The following TTC7A variants were observed in gnomAD, a reference collection of about 807,000 sequenced individuals.
The protein encoded by TTC7A is tetratricopeptide repeat protein 7A.
TTC7A carries 110 observed loss-of-function variants against 103.7 expected under a neutral mutation model. That is an observed-to-expected ratio of 1.06 (90% CI 0.91 to 1.24). The LOEUF is 1.24. Among genes scored for constraint, TTC7A ranks in the 50% most tolerant of loss-of-function variants. TTC7A has a pLI of 0.00. For missense variants in TTC7A, 1,340 were observed against 1,116.3 expected (o/e 1.20, Z -2.86); for synonymous variants, 521 against 467.9 (o/e 1.11, Z -1.47).
At chr2:46,923,487 A>G (rs7601491) in intron 2 of TTC7A, among the ~76,000 whole-genome samples, 43,118 of 152,140 alleles carry the variant, frequency 0.28, 8,505 homozygotes, top group African/African-American at 0.56. Context: ...ATATTTCACA[A>G]TATCACAGAA....
At position 46,972,356 on chromosome 2, in the gene TTC7A, A is replaced by G. The variant is rs116341608; in HGVS notation, c.518-2617A>G. Among the ~76,000 whole-genome samples the G allele has an allele frequency of 8.7e-3, 1,321 of 152,284 alleles. 16 individuals are homozygous for G. The highest frequency in any genetic ancestry group is 0.03 in the African/African-American group (1,231 of 41,552). Reference sequence around the variant, plus strand: ...GCCTTGAAGCTTTTCTTAAATAAAAATTTTAAATCGCAGTAAAAAAGCCCC... The same window carrying G: ...GCCTTGAAGCTTTTCTTAAATAAAAGTTTTAAATCGCAGTAAAAAAGCCCC... On this transcript the variant is annotated intron_variant, in intron 3 of 19. Coordinates refer to ENST00000319190, the MANE Select transcript of TTC7A (RefSeq NM_020458.4).
At chr2:46,949,127 G>T (rs927373705) in intron 1 of TTC7A, among the ~76,000 whole-genome samples, 2 of 152,178 alleles carry the variant, frequency 1.3e-5, no homozygotes, top group Non-Finnish European at 2.9e-5. Context: ...CTGAACACCC[G>T]GCTCCCATGC....
chr2:46,962,079 T>C (rs1392179843), intron 3 of TTC7A, among the ~76,000 whole-genome samples: 1 of 152,150 alleles, frequency 6.6e-6, no homozygotes, highest in Non-Finnish European at 1.5e-5. Flanking sequence ...AGGTGGTCAT[T>C]TCTTTTGTAC....
chr2:47,022,327 C>T (rs1011158369), intron 12 of TTC7A, among the ~76,000 whole-genome samples: 1 of 152,216 alleles, frequency 6.6e-6, no homozygotes, highest in African/African-American at 2.4e-5. Flanking sequence ...CAGCCCTCCA[C>T]CTCACAATGC....
intron 2 of TTC7A, chr2:46,951,721 G>A (rs745900982): frequency 4.4e-6 from 2 of 453,174 alleles, no homozygotes; most frequent in South Asian, 3.1e-5. Context: ...GATTTTTAAA[G>A]AGCTATTCCA....
At chr2:46,999,218 TCTAC>T (rs1676537185) in intron 8 of TTC7A, among the ~76,000 whole-genome samples, 1 of 151,860 alleles carries the variant, frequency 6.6e-6, no homozygotes, top group South Asian at 2.1e-4. Flanking sequence ...CATTCATCCG[TCTAC>T]CCACCCACCC....
chr2:46,940,780 A>G (rs1362880458), upstream of TTC7A, among the ~76,000 whole-genome samples: 7 of 152,198 alleles, frequency 4.6e-5, no homozygotes, highest in Non-Finnish European at 1.0e-4. This position sits in a 1 kb window ranked among gnomAD's most constrained non-coding sequence, Gnocchi z 4.7. Flanking sequence ...CCTGGCCCGC[A>G]TCGCAACAGG....
At chr2:46,963,173 A>G (rs965239522) in intron 3 of TTC7A, among the ~76,000 whole-genome samples, 2 of 152,182 alleles carry the variant, frequency 1.3e-5, no homozygotes, top group African/African-American at 2.4e-5. Context: ...TCCTAATAGA[A>G]TCTGGTCCCC....
In TTC7A at chr2:47,075,935, C is replaced by T. The variant is rs373518031; in HGVS notation, c.*2012C>T. 6.6e-6 allele frequency: 1 copy of T among 152,402 alleles called. No homozygotes were observed. Among genetic ancestry groups the T allele is most frequent in the Non-Finnish European group, 1.5e-5 (1 of 68,244 alleles). 9.4% of individuals were successfully genotyped at this position (152,402 alleles called of 1,614,324 possible). A position where few individuals can be genotyped will look rare whatever the true frequency, so the allele number is the denominator to read the frequency against. ...ACTCACGTCTGAACAGAGATCCCCT[C>T]GGGCATTGCTGATGGGCCACCTTCA... is the stretch of plus-strand genomic sequence containing the variant. On this transcript the variant is annotated 3_prime_UTR_variant, in exon 20 of 20. Coordinates refer to ENST00000319190, the MANE Select transcript of TTC7A (RefSeq NM_020458.4).
chr2:46,985,725 A>G (rs72806558), intron 5 of TTC7A, among the ~76,000 whole-genome samples: 9,593 of 152,314 alleles, frequency 0.063, 361 homozygotes, highest in Non-Finnish European at 0.08. Flanking sequence ...AAGCCTGCCC[A>G]TGGCATGTCT....
At chr2:47,062,954 C>A (rs759373800) in intron 19 of TTC7A, among the ~76,000 whole-genome samples, 2 of 152,256 alleles carry the variant, frequency 1.3e-5, no homozygotes, top group Non-Finnish European at 2.9e-5. Flanking sequence ...TCTGCGTGGG[C>A]AGCCCATCCC....
intron 1 of TTC7A, among the ~76,000 whole-genome samples, chr2:46,917,016 C>A (rs1263253328): frequency 6.6e-6 from 1 of 152,108 alleles, no homozygotes; most frequent in Non-Finnish European, 1.5e-5. Context: ...TGGGTCCGGA[C>A]AGGAAAGACA....
At chr2:47,019,409 A>T (rs1302405347) in intron 11 of TTC7A, among the ~76,000 whole-genome samples, 1 of 152,120 alleles carries the variant, frequency 6.6e-6, no homozygotes, top group Non-Finnish European at 1.5e-5. Flanking sequence ...AAATTAAATT[A>T]TGTTGGCCAT....
intron 2 of TTC7A, 89 bp downstream of exon 2, chr2:46,950,615 C>T: frequency 7.1e-7 from 1 of 1,407,872 alleles, no homozygotes; most frequent in South Asian, 1.3e-5. Flanking sequence ...ATTTGGTCAC[C>T]TGAGCAACAA....
intron 2 of TTC7A, 150 bp from the exon 3 acceptor site, chr2:46,956,689 C>T (rs1000047020): frequency 2.2e-5 from 17 of 755,958 alleles, no homozygotes; most frequent in Admixed American, 4.4e-5. Flanking sequence ...GGGGAGCTGT[C>T]GGCATGTGCT....
At chr2:46,977,197 G>A (rs1673965852) in intron 4 of TTC7A, among the ~76,000 whole-genome samples, 1 of 152,224 alleles carries the variant, frequency 6.6e-6, no homozygotes, top group Admixed American at 6.5e-5. Context: ...GCTGGAATCA[G>A]TGCCTGGTAG....
At chr2:46,958,306 G>A (rs1020190686) in intron 3 of TTC7A, among the ~76,000 whole-genome samples, 3 of 152,224 alleles carry the variant, frequency 2.0e-5, no homozygotes, top group South Asian at 4.1e-4. Flanking sequence ...CCCGCTCTGC[G>A]CCTCTGGCAC....
intron 15 of TTC7A, among the ~76,000 whole-genome samples, chr2:47,030,602 T>G (rs1680425661): frequency 6.6e-6 from 1 of 152,192 alleles, no homozygotes; most frequent in Non-Finnish European, 1.5e-5. Flanking sequence ...GGAGTCCCAG[T>G]GGCCAAGGCC....
chr2:46,944,632 A>G (rs991962727), intron 1 of TTC7A, among the ~76,000 whole-genome samples: 14 of 152,116 alleles, frequency 9.2e-5, no homozygotes, highest in Admixed American at 3.3e-4. Flanking sequence ...CCAAGACGGG[A>G]GGATCACTTG....
Sources: gnomAD v4.1 joint callset for allele counts (sites outside exome capture counted in the v4.1 genomes callset) on GRCh38, gnomAD v4.1.1 for gene constraint, Gnocchi (gnomAD v3.1) non-coding constraint, MANE v1.5 for transcripts, NCBI Gene and HGNC (gene_info 2026-07-23, HGNC 2026-07-21) for gene names.